Variants in PACS1 observed in about 807,000 individuals in gnomAD.
PACS1 encodes the protein phosphofurin acidic cluster sorting protein 1, also known as PACS-1.
A neutral mutation model predicts 115.0 loss-of-function variants in PACS1; 24 were observed. The ratio of observed to expected loss-of-function variants is 0.21; its 90% CI spans 0.15 to 0.29. The LOEUF (loss-of-function observed/expected upper bound fraction) is 0.29, where lower values mean the gene tolerates loss of function less well. Ranked by LOEUF, PACS1 falls within the 10% of genes least tolerant of loss-of-function variation. The pLI is 1.00. For missense variants in PACS1, 838 were observed against 1,251.2 expected (o/e 0.67, Z 4.98); for synonymous variants, 453 against 504.5 (o/e 0.90, Z 1.37).
At chr11:66,180,242 A>G (rs1194714240) in intron 1 of PACS1, among the ~76,000 whole-genome samples, 1 of 152,222 alleles carries the variant, frequency 6.6e-6, no homozygotes, top group Non-Finnish European at 1.5e-5. Flanking sequence ...AAAAAAACAA[A>G]AAACAAGATA....
At position 66,243,493 on chromosome 11, in the gene PACS1, T is replaced by C; in HGVS notation, c.*213T>C. 1.7e-6 allele frequency: 1 copy of C among 577,970 alleles called. No homozygotes were observed. 35.8% of individuals were successfully genotyped at this position (577,970 alleles called of 1,614,324 possible). A position where few individuals can be genotyped will look rare whatever the true frequency, so the allele number is the denominator to read the frequency against. ...TGCACAGCCCCTCCTCCTTCCCGCT[T>C]TTCCCCTTCTCCCTCCTGCTCCAGG... On this transcript the variant is annotated 3_prime_UTR_variant, in exon 24 of 24. Coordinates refer to ENST00000320580, the MANE Select transcript of PACS1 (RefSeq NM_018026.4).
intron 1 of PACS1, among the ~76,000 whole-genome samples, chr11:66,132,703 C>G (rs1018833775): frequency 1.3e-5 from 2 of 152,136 alleles, no homozygotes; most frequent in Non-Finnish European, 2.9e-5. Flanking sequence ...GAGTTTTACT[C>G]TCTTGCCCAG....
At position 66,233,831 on chromosome 11, in the gene PACS1, G is replaced by A. The variant is rs145372234; in HGVS notation, c.1885G>A (p.Val629Met). 1 of 1,613,744 alleles carries A rather than the reference G, an allele frequency of 6.2e-7. No individual in the cohort carries two copies. The highest frequency in any genetic ancestry group is 8.5e-7 in the Non-Finnish European group (1 of 1,179,818). The change falls in exon 16 of 24, where the codon GTG becomes ATG. Residue 629 changes from valine to methionine, a missense_variant. By Grantham distance (21) the Val-to-Met change is conservative (BLOSUM62 1). Around this residue, in one of 6 missense-constraint regions of PACS1, gnomAD observed 383 missense variants for 537.0 expected, o/e 0.71. Coordinates refer to ENST00000320580, the MANE Select transcript of PACS1 (RefSeq NM_018026.4). This position sits in a 1 kb window ranked among gnomAD's most constrained non-coding sequence, Gnocchi z 4.5. ...GCCGAGGCCAGTGAAGGTGGCTGCT[G>A]TGGGAGGCCAGAGCTACCTGAGCTC... The part of the protein sequence containing the change: ...SMPRPVKVAA[V>M]GGQSYLSSIL...
intron 1 of PACS1, among the ~76,000 whole-genome samples, chr11:66,086,312 G>C (rs1434744559): frequency 2.0e-5 from 3 of 151,704 alleles, no homozygotes; most frequent in African/African-American, 7.3e-5. Flanking sequence ...CTAATTTTTT[G>C]TATTTTTAGT....
chr11:66,134,254 CTTTTTTTTT>C (rs1162472902), intron 1 of PACS1, among the ~76,000 whole-genome samples: 11 of 75,072 alleles, frequency 1.5e-4, no homozygotes, highest in East Asian at 4.4e-4. Context: ...TTTTCTTTTT[CTTTTTTTTT>C]TTTTTTTTTT....
intron 1 of PACS1, among the ~76,000 whole-genome samples, chr11:66,077,763 C>T (rs1379138186): frequency 7.3e-6 from 1 of 136,956 alleles, no homozygotes; most frequent in East Asian, 2.2e-4. Flanking sequence ...AGTGTAAAGG[C>T]GCAGTCTCGG....
At position 66,160,952 on chromosome 11, in the gene PACS1, G is replaced by C. The variant is rs546796514; in HGVS notation, c.357-32534G>C. Among the ~76,000 whole-genome samples the C allele has an allele frequency of 2.6e-5, 4 of 152,140 alleles. No individual in the cohort carries two copies. In the South Asian group the frequency reaches 8.3e-4, roughly 32 times the overall value. On this transcript the variant is annotated intron_variant, in intron 1 of 23. Coordinates refer to ENST00000320580, the MANE Select transcript of PACS1 (RefSeq NM_018026.4). Reference sequence around the variant, plus strand: ...CATGGACTCTGAAGCCACCTACCTGGGTTCATATTCAGGTCCCGCTGTTTA... The same window carrying C: ...CATGGACTCTGAAGCCACCTACCTGCGTTCATATTCAGGTCCCGCTGTTTA...
intron 1 of PACS1, among the ~76,000 whole-genome samples, chr11:66,175,157 GTCT>G (rs1208408536): frequency 2.2e-5 from 3 of 139,102 alleles, no homozygotes; most frequent in African/African-American, 9.2e-5. Context: ...GCAAAACTCT[GTCT>G]GAAAAAAAAA....
intron 1 of PACS1, among the ~76,000 whole-genome samples, chr11:66,162,607 G>A (rs1272854700): frequency 1.3e-5 from 2 of 152,152 alleles, no homozygotes; most frequent in African/African-American, 4.8e-5. Flanking sequence ...GCACAGCCCT[G>A]CCTACACCTT....
chr11:66,222,106 A>G (rs537692948), intron 10 of PACS1, among the ~76,000 whole-genome samples: 6 of 152,246 alleles, frequency 3.9e-5, no homozygotes, highest in Non-Finnish European at 8.8e-5. Context: ...ACAGAACAAG[A>G]CCTTATCTCA....
At chr11:66,210,098 A>T (rs889932201) in intron 2 of PACS1, among the ~76,000 whole-genome samples, 1 of 151,740 alleles carries the variant, frequency 6.6e-6, no homozygotes, top group Non-Finnish European at 1.5e-5. Flanking sequence ...TGGCAGGATC[A>T]TGACTCACTG....
At chr11:66,114,156 C>T (rs112429336) in intron 1 of PACS1, among the ~76,000 whole-genome samples, 9,179 of 151,782 alleles carry the variant, frequency 0.06, 388 homozygotes, top group Non-Finnish European at 0.09. Flanking sequence ...CGGTGTCTCA[C>T]GCCTGTAATC....
intron 1 of PACS1, among the ~76,000 whole-genome samples, chr11:66,073,877 C>CA (rs947383431): frequency 6.6e-5 from 10 of 151,128 alleles, no homozygotes; most frequent in Non-Finnish European, 1.0e-4. Flanking sequence ...CTCAGCCTCC[C>CA]AAGTAGCTGG....
intron 1 of PACS1, among the ~76,000 whole-genome samples, chr11:66,149,611 A>G (rs2134606177): frequency 6.6e-6 from 1 of 152,278 alleles, no homozygotes; most frequent in South Asian, 2.1e-4. Flanking sequence ...TGTATTTGAA[A>G]TTGTGAGATG....
chr11:66,126,651 A>G (rs1306553387), intron 1 of PACS1, among the ~76,000 whole-genome samples: 3 of 149,208 alleles, frequency 2.0e-5, no homozygotes, highest in African/African-American at 7.4e-5. Flanking sequence ...GGGAATTTTG[A>G]GAATTGTTAA....
At chr11:66,213,905 C>T (rs958487187) in intron 4 of PACS1, among the ~76,000 whole-genome samples, 1 of 151,820 alleles carries the variant, frequency 6.6e-6, no homozygotes, top group African/African-American at 2.4e-5. Context: ...TGGTGGCGGG[C>T]GCCTGTAGTC....
At chr11:66,220,899 C>A in intron 9 of PACS1, 108 bp downstream of exon 9, 1 of 1,261,380 alleles carries the variant, frequency 7.9e-7, no homozygotes, top group Non-Finnish European at 1.1e-6. Flanking sequence ...CTTGGTCCTT[C>A]ATCCTTTCTG....
chr11:66,211,906 C>T (rs1404021581), intron 4 of PACS1, among the ~76,000 whole-genome samples: 3 of 152,260 alleles, frequency 2.0e-5, no homozygotes, highest in African/African-American at 7.2e-5. Context: ...AGCAGCCCCT[C>T]GGTTTTCCTT....
In PACS1 at chr11:66,193,451, G is replaced by A. The variant is rs370349736; in HGVS notation, c.357-35G>A. 1.4e-4 allele frequency: 206 copies of A among 1,435,398 alleles called. 1 individual carries two copies. The highest frequency in any genetic ancestry group is 1.3e-3 in the African/African-American group (93 of 71,508). 88.9% of individuals were successfully genotyped at this position (1,435,398 alleles called of 1,614,324 possible). A position where few individuals can be genotyped will look rare whatever the true frequency, so the allele number is the denominator to read the frequency against. Reference sequence around the variant, plus strand: ...TCATCACTTTTCTCGCAAGTTCCTCGCATATGACAGCATCTTCCTTCTCTG... The same window carrying A: ...TCATCACTTTTCTCGCAAGTTCCTCACATATGACAGCATCTTCCTTCTCTG... On this transcript the variant is annotated intron_variant, in intron 1 of 23. Transcript: ENST00000320580.
Sources: gnomAD v4.1 joint callset for allele counts (sites outside exome capture counted in the v4.1 genomes callset) on GRCh38, gnomAD v4.1.1 for gene constraint, gnomAD v4.1.1 regional missense constraint, Gnocchi (gnomAD v3.1) non-coding constraint, MANE v1.5 for transcripts, NCBI Gene and HGNC (gene_info 2026-07-23, HGNC 2026-07-21) for gene names.